Variants in MITF observed in about 807,000 individuals in gnomAD.
MITF encodes melanocyte inducing transcription factor, also known as microphthalmia-associated transcription factor.
MITF carries 17 observed loss-of-function variants against 60.5 expected under a neutral mutation model. The observed-to-expected ratio is 0.28, with a 90% CI of 0.19 to 0.42. The LOEUF (loss-of-function observed/expected upper bound fraction) is 0.42. Among genes scored for constraint, MITF ranks in the 10% least tolerant of loss-of-function variants. The pLI, the probability that MITF is intolerant of heterozygous loss-of-function variation, is 1.00. For synonymous variants in MITF, 260 were observed against 248.5 expected (o/e 1.05, Z -0.43); for missense variants, 622 against 683.5 (o/e 0.91, Z 1.00).
chr3:69,936,708 A>G (rs1248771065), intron 2 of MITF: 5 of 1,613,622 alleles, frequency 3.1e-6, no homozygotes, highest in Non-Finnish European at 4.2e-6. Flanking sequence ...GATTGGTGCC[A>G]CCTAAAACAT....
At chr3:69,795,929 C>T (rs1351130963) in intron 1 of MITF, among the ~76,000 whole-genome samples, 1 of 152,208 alleles carries the variant, frequency 6.6e-6, no homozygotes, top group South Asian at 2.1e-4. Context: ...GGGTCTTTTA[C>T]ATCATAAATC....
chr3:69,764,931 T>G (rs527264638), intron 1 of MITF, among the ~76,000 whole-genome samples: 61 of 152,322 alleles, frequency 4.0e-4, no homozygotes, highest in Middle Eastern at 3.4e-3. Context: ...AGTGGGAGTC[T>G]GGGCCTCAGG....
At chr3:69,871,247 C>T (rs1425921970) in intron 1 of MITF, among the ~76,000 whole-genome samples, 1 of 152,200 alleles carries the variant, frequency 6.6e-6, no homozygotes, top group African/African-American at 2.4e-5. Flanking sequence ...TAAAGAGACT[C>T]ATTTTAACCT....
chr3:69,740,816 G>A (rs575109981), intron 1 of MITF, among the ~76,000 whole-genome samples: 1 of 152,150 alleles, frequency 6.6e-6, no homozygotes, highest in Non-Finnish European at 1.5e-5. Flanking sequence ...CTGTGGATGG[G>A]GCCTGGGTGA....
At chr3:69,937,704 G>A in intron 2 of MITF, 118 bp from the exon 3 acceptor site, 1 of 848,016 alleles carries the variant, frequency 1.2e-6, no homozygotes, top group Middle Eastern at 2.5e-4. Context: ...CATAACAAAG[G>A]CTTAATAATT....
At chr3:69,747,910 T>C (rs1164098706) in intron 1 of MITF, among the ~76,000 whole-genome samples, 1 of 152,162 alleles carries the variant, frequency 6.6e-6, no homozygotes, top group African/African-American at 2.4e-5. Flanking sequence ...GCCTAAGTAA[T>C]TGAGGATTAA....
chr3:69,852,352 C>T (rs1360653594), intron 1 of MITF, among the ~76,000 whole-genome samples: 1 of 152,218 alleles, frequency 6.6e-6, no homozygotes, highest in Non-Finnish European at 1.5e-5. Flanking sequence ...AGTATAATCA[C>T]TATCCTGACT....
chr3:69,939,040 C>A, intron 3 of MITF, 58 bp from the exon 4 acceptor site: 2 of 1,592,552 alleles, frequency 1.3e-6, no homozygotes, highest in East Asian at 2.3e-5. Flanking sequence ...GTGAACAGGT[C>A]ATTAAAAAGT....
intron 5 of MITF, among the ~76,000 whole-genome samples, chr3:69,945,308 C>T (rs571686431): frequency 8.5e-5 from 13 of 152,278 alleles, no homozygotes; most frequent in Non-Finnish European, 1.8e-4. Flanking sequence ...TTTGTTTGTC[C>T]GGATTAGACT....
intron 1 of MITF, among the ~76,000 whole-genome samples, chr3:69,837,004 C>G (rs530135761): frequency 6.6e-6 from 1 of 152,154 alleles, no homozygotes; most frequent in African/African-American, 2.4e-5. Context: ...CATTGACGTC[C>G]CCAATGTGGA....
chr3:69,763,027 C>G (rs1381983984), intron 1 of MITF, among the ~76,000 whole-genome samples: 1 of 152,104 alleles, frequency 6.6e-6, no homozygotes, highest in Non-Finnish European at 1.5e-5. Flanking sequence ...GGAGAGGTTA[C>G]CAACAAAGGA....
At chr3:69,901,139 A>C (rs559439057) in intron 2 of MITF, among the ~76,000 whole-genome samples, 1 of 150,488 alleles carries the variant, frequency 6.6e-6, no homozygotes, top group South Asian at 2.1e-4. Flanking sequence ...CAAGCAGTAC[A>C]CTCCTAGACC....
At chr3:69,801,899 G>T (rs1230774545) in intron 1 of MITF, among the ~76,000 whole-genome samples, 21 of 152,118 alleles carry the variant, frequency 1.4e-4, no homozygotes, top group Admixed American at 1.4e-3. Flanking sequence ...CTATATGATT[G>T]TAGTGAGGAT....
intron 2 of MITF, chr3:69,936,801 A>G: frequency 1.3e-6 from 2 of 1,568,750 alleles, no homozygotes; most frequent in Non-Finnish European, 1.8e-6. Context: ...ATATAATGCA[A>G]TAAATTGATT....
chr3:69,792,109 T>G (rs2062750023), intron 1 of MITF, among the ~76,000 whole-genome samples: 1 of 152,198 alleles, frequency 6.6e-6, no homozygotes, highest in Non-Finnish European at 1.5e-5. Flanking sequence ...TGAAAAGAGA[T>G]ATGACTAGTT....
intron 2 of MITF, among the ~76,000 whole-genome samples, chr3:69,908,374 C>A (rs1288300697): frequency 6.6e-6 from 1 of 152,092 alleles, no homozygotes; most frequent in African/African-American, 2.4e-5. Flanking sequence ...AACTCTTCTA[C>A]ATCATTTATC....
chr3:69,942,092 C>A (rs1441796104), intron 5 of MITF, among the ~76,000 whole-genome samples: 4 of 152,142 alleles, frequency 2.6e-5, no homozygotes, highest in African/African-American at 9.7e-5. Flanking sequence ...TTCTCCAATC[C>A]TTTTCTGTTT....
chr3:69,951,093 CTTTTT>C (rs527693480), intron 6 of MITF, among the ~76,000 whole-genome samples: 1 of 108,958 alleles, frequency 9.2e-6, no homozygotes, highest in East Asian at 2.8e-4. Flanking sequence ...AATTTGGCAG[CTTTTT>C]TTTTTTTTTT....
At chr3:69,791,639 GCA>G (rs931705829) in intron 1 of MITF, among the ~76,000 whole-genome samples, 2 of 152,098 alleles carry the variant, frequency 1.3e-5, no homozygotes, top group African/African-American at 4.8e-5. Flanking sequence ...GTTCAAACTG[GCA>G]CAGTTTTTTC....
Sources: gnomAD v4.1 joint callset for allele counts (sites outside exome capture counted in the v4.1 genomes callset) on GRCh38, gnomAD v4.1.1 for gene constraint, MANE v1.5 for transcripts, NCBI Gene and HGNC (gene_info 2026-07-23, HGNC 2026-07-21) for gene names.